RASAL2: variants seen among roughly 807,000 people sequenced by gnomAD.
The protein encoded by RASAL2 is ras GTPase-activating protein nGAP.
A neutral mutation model predicts 128.9 loss-of-function variants in RASAL2; 58 were observed. The observed-to-expected ratio is 0.45, with a 90% confidence interval of 0.36 to 0.56. The LOEUF (loss-of-function observed/expected upper bound fraction) is 0.56, where lower values mean the gene tolerates loss of function less well. Ranked by LOEUF, RASAL2 falls within the 20% of genes least tolerant of loss-of-function variation. The pLI is 0.00. For synonymous variants in RASAL2, 561 were observed against 580.8 expected (o/e 0.97, Z 0.49); for missense variants, 1,360 against 1,601.6 (o/e 0.85, Z 2.57).
At position 178,445,638 on chromosome 1, in the gene RASAL2, C is replaced by A. The variant is rs1428274040; in HGVS notation, c.1603C>A (p.Gln535Lys). ...TGAGGAATACCTCAAGTTGGTGGGACAACAGTATCTTCATGACGCACTGGG... is the reference window on the plus strand; with the variant it reads ...TGAGGAATACCTCAAGTTGGTGGGAAAACAGTATCTTCATGACGCACTGGG... ...SIEEYLKLVG[Q>K]QYLHDALGEF... Residue 535 changes from glutamine (Q) to lysine (K), a missense_variant, in exon 9 of 18, where the codon CAA becomes AAA. Transcript: ENST00000367649. 1 of 1,613,082 alleles carries A rather than the reference C, an allele frequency of 6.2e-7. No homozygotes were observed. The highest frequency in any genetic ancestry group is 2.2e-5 in the East Asian group (1 of 44,860).
intron 3 of RASAL2, among the ~76,000 whole-genome samples, chr1:178,350,546 T>C (rs977723301): frequency 6.6e-6 from 1 of 152,164 alleles, no homozygotes; most frequent in Admixed American, 6.5e-5. Context: ...TTTCAATTTC[T>C]ATACATCAGA....
At chr1:178,407,830 C>G (rs371962178) in intron 4 of RASAL2, among the ~76,000 whole-genome samples, 2 of 152,206 alleles carry the variant, frequency 1.3e-5, no homozygotes, top group South Asian at 2.1e-4. Context: ...GGCATTGTCC[C>G]TTATTACCCC....
At chr1:178,198,732 C>A (rs999517961) in intron 1 of RASAL2, among the ~76,000 whole-genome samples, 1 of 152,140 alleles carries the variant, frequency 6.6e-6, no homozygotes, top group African/African-American at 2.4e-5. Context: ...GTCAGTTGGC[C>A]CCTGCTGGGA....
At chr1:178,323,603 G>A (rs930001951) in intron 3 of RASAL2, among the ~76,000 whole-genome samples, 6 of 152,174 alleles carry the variant, frequency 3.9e-5, no homozygotes, top group African/African-American at 1.4e-4. Flanking sequence ...GTACTTGGTT[G>A]TGAATGTCAG....
Position 178,400,511 on chromosome 1 carries a change from G to A in RASAL2, c.564+10305G>A, listed in dbSNP as rs879376216. 1.7e-4 allele frequency among the ~76,000 whole-genome samples: 26 copies of A among 152,218 alleles called. No homozygotes were observed. In the East Asian group the frequency reaches 5.0e-3, roughly 29 times the overall value. On this transcript the variant is annotated intron_variant, in intron 4 of 17. Transcript: ENST00000367649. ...ATTGTAGGGTTGCCTTCCCTAGTCT[G>A]TGATATTCTAGTTGGTGATCTCCAG...
chr1:178,197,807 AT>A (rs1348974362), intron 1 of RASAL2, among the ~76,000 whole-genome samples: 1 of 152,006 alleles, frequency 6.6e-6, no homozygotes, highest in African/African-American at 2.4e-5. Context: ...CCATTAACTC[AT>A]CATTTACATT....
At chr1:178,171,059 T>G (rs1380401922) in intron 1 of RASAL2, among the ~76,000 whole-genome samples, 1 of 151,938 alleles carries the variant, frequency 6.6e-6, no homozygotes, top group Non-Finnish European at 1.5e-5. Flanking sequence ...TAATTATTAA[T>G]CAGCAGTCAG....
intron 1 of RASAL2, among the ~76,000 whole-genome samples, chr1:178,163,577 G>A (rs967202810): frequency 1.1e-4 from 16 of 151,912 alleles, no homozygotes; most frequent in African/African-American, 3.9e-4. Context: ...AATTTGTCTT[G>A]GCCCCTGTGT....
At chr1:178,247,970 A>G (rs1332494502) in intron 1 of RASAL2, among the ~76,000 whole-genome samples, 10 of 152,090 alleles carry the variant, frequency 6.6e-5, no homozygotes, top group African/African-American at 2.2e-4. Context: ...GCATTTACTG[A>G]GGAGTGTTTT....
intron 1 of RASAL2, among the ~76,000 whole-genome samples, chr1:178,127,383 G>A (rs1659938809): frequency 6.6e-6 from 1 of 152,116 alleles, no homozygotes; most frequent in Non-Finnish European, 1.5e-5. Context: ...AAGGCACAAG[G>A]AAATGGTAAT....
At chr1:178,382,065 G>A (rs1258996918) in intron 3 of RASAL2, among the ~76,000 whole-genome samples, 1 of 152,064 alleles carries the variant, frequency 6.6e-6, no homozygotes, top group Non-Finnish European at 1.5e-5. Context: ...AAATATTAAT[G>A]CTTTTTATCT....
Position 178,167,888 on chromosome 1 carries a change from T to C in RASAL2, c.202+73194T>C, listed in dbSNP as rs1661572889. Among the ~76,000 whole-genome samples the C allele has an allele frequency of 2.0e-5, 3 of 152,082 alleles. No homozygotes were observed. In the South Asian group the frequency reaches 6.2e-4, roughly 31 times the overall value. Reference sequence around the variant, plus strand: ...TGTGTTGCTCAAGGATTGACTGTTGTTGTGTGAGGAAAGGATAAACAGATC... The same window carrying C: ...TGTGTTGCTCAAGGATTGACTGTTGCTGTGTGAGGAAAGGATAAACAGATC... On this transcript the variant is annotated intron_variant, in intron 1 of 17. Transcript: ENST00000367649.
chr1:178,194,024 A>G (rs1055612217), intron 1 of RASAL2, among the ~76,000 whole-genome samples: 1 of 152,178 alleles, frequency 6.6e-6, no homozygotes. Context: ...AATCATAACT[A>G]AGTTTATTGC....
intron 1 of RASAL2, among the ~76,000 whole-genome samples, chr1:178,216,569 A>AT (rs770451222): frequency 1.3e-4 from 20 of 152,210 alleles, no homozygotes; most frequent in Non-Finnish European, 5.9e-5. Context: ...CCAGCCATCC[A>AT]TTGACTCTTA....
At chr1:178,203,513 G>T (rs995787424) in intron 1 of RASAL2, among the ~76,000 whole-genome samples, 8 of 152,156 alleles carry the variant, frequency 5.3e-5, no homozygotes, top group African/African-American at 1.9e-4. Context: ...GGATGGAAAA[G>T]TGGCACCATT....
At chr1:178,221,362 T>C (rs545572240) in intron 1 of RASAL2, among the ~76,000 whole-genome samples, 2 of 152,342 alleles carry the variant, frequency 1.3e-5, no homozygotes, top group South Asian at 2.1e-4. Flanking sequence ...GCTTCAGTTA[T>C]TGATTTTAGA....
At chr1:178,396,519 C>T in intron 4 of RASAL2, among the ~76,000 whole-genome samples, 1 of 151,890 alleles carries the variant, frequency 6.6e-6, no homozygotes, top group South Asian at 2.1e-4. Flanking sequence ...AATTTGCCAC[C>T]TTCATGATTA....
chr1:178,151,009 G>A (rs1008560741), intron 1 of RASAL2, among the ~76,000 whole-genome samples: 3 of 152,080 alleles, frequency 2.0e-5, no homozygotes, highest in Non-Finnish European at 2.9e-5. Flanking sequence ...AGTGCAAGAA[G>A]GCTATGCTCT....
intron 4 of RASAL2, among the ~76,000 whole-genome samples, chr1:178,398,952 C>T (rs1673438095): frequency 6.6e-6 from 1 of 152,034 alleles, no homozygotes. Flanking sequence ...CAGTGCAGTA[C>T]ACAGGGCCTA....
Sources: gnomAD v4.1 joint callset for allele counts (sites outside exome capture counted in the v4.1 genomes callset) on GRCh38, gnomAD v4.1.1 for gene constraint, MANE v1.5 for transcripts, NCBI Gene and HGNC (gene_info 2026-07-23, HGNC 2026-07-21) for gene names.